Variants in DLC1 observed in about 807,000 individuals in gnomAD.
The protein encoded by DLC1 is DLC1 Rho GTPase activating protein.
DLC1 carries 54 observed loss-of-function variants against 140.3 expected under a neutral mutation model. The ratio of observed to expected loss-of-function variants is 0.38; its 90% CI spans 0.31 to 0.48. The LOEUF is 0.48. Ranked by LOEUF, DLC1 falls within the 20% of genes least tolerant of loss-of-function variation. The pLI is 0.96. For synonymous variants in DLC1, 986 were observed against 728.1 expected (o/e 1.35, Z -5.70); for missense variants, 2,536 against 1,907.0 (o/e 1.33, Z -6.14).
Position 13,102,870 on chromosome 8 carries a change from T to G in DLC1, c.1503-17A>C. On this transcript the variant is annotated splice_polypyrimidine_tract_variant and intron_variant, in intron 7 of 17. Coordinates refer to ENST00000276297, the MANE Select transcript of DLC1 (RefSeq NM_182643.3). The stretch of plus-strand genomic sequence containing the variant: ...TTTAGACGCCTATAGAGCAAAGAAA[T>G]AACGTTAGCAAAGATAGGCAACCAC... 1 of 1,611,288 alleles carries G rather than the reference T, an allele frequency of 6.2e-7. No homozygotes were observed. Among genetic ancestry groups the G allele is most frequent in the Non-Finnish European group, 8.5e-7 (1 of 1,179,142 alleles).
intron 5 of DLC1, among the ~76,000 whole-genome samples, chr8:13,215,905 G>A (rs1459369761): frequency 1.3e-5 from 2 of 152,132 alleles, no homozygotes; most frequent in Non-Finnish European, 2.9e-5. Flanking sequence ...CGTCTCCCCA[G>A]TGTGCCCTGC....
chr8:13,393,527 ACT>A (rs779268733), intron 4 of DLC1, 24 bp downstream of exon 4: 69 of 1,605,068 alleles, frequency 4.3e-5, no homozygotes, highest in Non-Finnish European at 5.5e-5. Context: ...ACACGTAGAG[ACT>A]CTCTGTTATT....
chr8:13,198,676 C>A (rs936663071), intron 5 of DLC1, among the ~76,000 whole-genome samples: 1 of 150,312 alleles, frequency 6.7e-6, no homozygotes, highest in Admixed American at 6.6e-5. Context: ...AACAACTTCT[C>A]GTTAACCCTC....
At chr8:13,554,452 A>C (rs1803972547) in intron 1 of DLC1, among the ~76,000 whole-genome samples, 1 of 152,140 alleles carries the variant, frequency 6.6e-6, no homozygotes. Context: ...CCTGTTTTAC[A>C]TCTCCACTTC....
chr8:13,545,484 T>C (rs905048442), intron 1 of DLC1, among the ~76,000 whole-genome samples: 1 of 152,108 alleles, frequency 6.6e-6, no homozygotes, highest in African/African-American at 2.4e-5. Context: ...AGAGTAGCTT[T>C]TTCCATGTCC....
chr8:13,327,152 T>A (rs1453470839), intron 4 of DLC1, among the ~76,000 whole-genome samples: 4 of 140,230 alleles, frequency 2.9e-5, no homozygotes, highest in Non-Finnish European at 4.6e-5. Flanking sequence ...TTTTTGTATT[T>A]TTAGCAGAGA....
chr8:13,406,394 C>A (rs924986069), intron 2 of DLC1, among the ~76,000 whole-genome samples: 7 of 151,954 alleles, frequency 4.6e-5, no homozygotes, highest in African/African-American at 1.7e-4. Context: ...TACACTGTTT[C>A]AGAGGAAGCA....
chr8:13,568,154 G>A (rs1429864259), intron 1 of DLC1: 1 of 570,166 alleles, frequency 1.8e-6, no homozygotes, highest in Non-Finnish European at 3.0e-6. Context: ...AACTATGTTG[G>A]TAGTTTGGGC....
chr8:13,087,149 C>T (rs1193372884), intron 16 of DLC1, among the ~76,000 whole-genome samples: 3 of 152,164 alleles, frequency 2.0e-5, no homozygotes, highest in African/African-American at 4.8e-5. Flanking sequence ...GCCTGTAATC[C>T]CGGCGCTTTG....
intron 4 of DLC1, among the ~76,000 whole-genome samples, chr8:13,308,843 G>A (rs1832559613): frequency 6.6e-6 from 1 of 152,094 alleles, no homozygotes; most frequent in African/African-American, 2.4e-5. Flanking sequence ...CATTGATTGG[G>A]GGATTCTTCT....
chr8:13,504,461 A>G (rs1801962161), intron 1 of DLC1, among the ~76,000 whole-genome samples: 1 of 152,184 alleles, frequency 6.6e-6, no homozygotes, highest in Admixed American at 6.5e-5. Flanking sequence ...TTTCAAAGAA[A>G]ACAATTTTAG....
At chr8:13,144,198 G>C (rs1038868654) in intron 5 of DLC1, among the ~76,000 whole-genome samples, 1 of 152,180 alleles carries the variant, frequency 6.6e-6, no homozygotes, top group African/African-American at 2.4e-5. Flanking sequence ...ACAGAGGAAA[G>C]CAAATTTGTT....
chr8:13,498,771 A>G (rs972953008), intron 2 of DLC1: 1 of 305,416 alleles, frequency 3.3e-6, no homozygotes, highest in South Asian at 9.1e-5. Context: ...TTTAATTCCA[A>G]CTAAAGAAAG....
At chr8:13,552,982 T>G (rs1268199727) in intron 1 of DLC1, among the ~76,000 whole-genome samples, 1 of 151,422 alleles carries the variant, frequency 6.6e-6, no homozygotes, top group Non-Finnish European at 1.5e-5. Flanking sequence ...AAATTTAGCT[T>G]TCATTGGTTA....
chr8:13,172,995 T>G (rs1825567901), intron 5 of DLC1, among the ~76,000 whole-genome samples: 1 of 152,254 alleles, frequency 6.6e-6, no homozygotes, highest in Non-Finnish European at 1.5e-5. Context: ...TTCTTTTCTC[T>G]ATGTGTAACG....
chr8:13,192,607 C>CAAATTGTAGCATTAATG, intron 5 of DLC1, among the ~76,000 whole-genome samples: 1 of 152,124 alleles, frequency 6.6e-6, no homozygotes, highest in East Asian at 1.9e-4. Context: ...ATGTTTTGGA[C>CAAATTGTAGCATTAATG]AGAATTGTAG....
intron 4 of DLC1, among the ~76,000 whole-genome samples, chr8:13,316,150 C>G (rs898553408): frequency 6.6e-5 from 10 of 152,178 alleles, no homozygotes; most frequent in African/African-American, 2.2e-4. Flanking sequence ...TTTCTGATTT[C>G]TGCTGGTGAT....
chr8:13,529,818 G>C (rs1462239714), intron 1 of DLC1, among the ~76,000 whole-genome samples: 2 of 152,130 alleles, frequency 1.3e-5, no homozygotes, highest in Non-Finnish European at 2.9e-5. Flanking sequence ...TTACTCTCCT[G>C]CATACTAAGT....
In DLC1 at chr8:13,099,473, T is replaced by G; in HGVS notation, c.2864A>C (p.Asp955Ala). ...GTCGCTGGGTGTGGTTCGGTCGTTG[T>G]CCACATCCAGGTGTATCTGTTTTGG... is the stretch of plus-strand genomic sequence containing the variant. ...SSPKQIHLDV[D>A]NDRTTPSDLD... The change falls in exon 9 of 18, where the codon GAC becomes GCC. Residue 955 changes from aspartate to alanine, a missense_variant. Coordinates refer to ENST00000276297, the MANE Select transcript of DLC1 (RefSeq NM_182643.3). 1 of 1,614,152 alleles carries G rather than the reference T, an allele frequency of 6.2e-7. No homozygotes were observed. Among genetic ancestry groups the G allele is most frequent in the Non-Finnish European group, 8.5e-7 (1 of 1,180,020 alleles).
Sources: gnomAD v4.1 joint callset for allele counts (sites outside exome capture counted in the v4.1 genomes callset) on GRCh38, gnomAD v4.1.1 for gene constraint, MANE v1.5 for transcripts, NCBI Gene and HGNC (gene_info 2026-07-23, HGNC 2026-07-21) for gene names.